Variants in SNRPD3 observed in about 807,000 individuals in gnomAD.
The protein encoded by SNRPD3 is small nuclear ribonucleoprotein D3 polypeptide.
For synonymous variants in SNRPD3, 66 were observed against 58.4 expected (o/e 1.13, Z -0.59); for missense variants, 73 against 167.5 (o/e 0.44, Z 3.11).
At chr22:24,559,260 A>C (rs1427281003) in intron 2 of SNRPD3, among the ~76,000 whole-genome samples, 1 of 152,170 alleles carries the variant, frequency 6.6e-6, no homozygotes, top group Non-Finnish European at 1.5e-5. Context: ...CTGAATGCAG[A>C]GAAGTAGACC....
In SNRPD3 at chr22:24,557,788, C is replaced by T. The variant is rs1216305073; in HGVS notation, c.114C>T (p.Asn38=). 3 of 1,607,954 alleles carry T rather than the reference C, an allele frequency of 1.9e-6. No individual in the cohort carries two copies. The highest frequency in any genetic ancestry group is 1.3e-5 in the African/African-American group (1 of 74,602). The change falls in exon 2 of 4, where the codon AAC becomes AAT. Residue 38 remains asparagine (N), a synonymous_variant. Transcript: ENST00000215829. Reference sequence around the variant, plus strand: ...GGAAGCTCATTGAAGCAGAGGACAACATGAACTGCCAGGTATTCTGCTTTG... The same window carrying T: ...GGAAGCTCATTGAAGCAGAGGACAATATGAACTGCCAGGTATTCTGCTTTG... ...YRGKLIEAED[N]MNCQMSNITV...
At chr22:24,563,300 A>G (rs1176376147) in intron 2 of SNRPD3, among the ~76,000 whole-genome samples, 1 of 119,364 alleles carries the variant, frequency 8.4e-6, no homozygotes, top group African/African-American at 4.1e-5. Context: ...GTGTATATAT[A>G]TATATATTTT....
Position 24,572,473 on chromosome 22 carries a change from A to C in SNRPD3, c.*496A>C. On this transcript the variant is annotated 3_prime_UTR_variant, in exon 4 of 4. Transcript: ENST00000215829. Reference sequence around the variant, plus strand: ...TCTTTCCCTTGATAAAGTCATAGGTAATTCAGGGGCTGGGTGCGGCGGCTC... The same window carrying C: ...TCTTTCCCTTGATAAAGTCATAGGTCATTCAGGGGCTGGGTGCGGCGGCTC... 1 of 268,678 alleles carries C rather than the reference A, an allele frequency of 3.7e-6. No homozygotes were observed. Among genetic ancestry groups the C allele is most frequent in the Non-Finnish European group, 7.1e-6 (1 of 139,988 alleles). 16.6% of individuals were successfully genotyped at this position (268,678 alleles called of 1,614,324 possible).
chr22:24,566,630 AATGAGT>A (rs2045199066), intron 2 of SNRPD3, among the ~76,000 whole-genome samples: 1 of 152,248 alleles, frequency 6.6e-6, no homozygotes, highest in Admixed American at 6.5e-5. Flanking sequence ...GAAAAGAATG[AATGAGT>A]ATAAGATGGC....
intron 2 of SNRPD3, among the ~76,000 whole-genome samples, chr22:24,567,062 A>G (rs187144926): frequency 1.1e-3 from 162 of 152,300 alleles, no homozygotes; most frequent in South Asian, 1.4e-3. Flanking sequence ...CTCTTGCCTC[A>G]TAACCCTCCA....
At chr22:24,557,240 G>A (rs1435735101) in intron 1 of SNRPD3, among the ~76,000 whole-genome samples, 3 of 152,312 alleles carry the variant, frequency 2.0e-5, no homozygotes, top group Admixed American at 1.3e-4. Context: ...GCTCGGGCCT[G>A]TATTATTCTC....
At chr22:24,560,839 C>G (rs2045134240) in intron 2 of SNRPD3, among the ~76,000 whole-genome samples, 1 of 147,742 alleles carries the variant, frequency 6.8e-6, no homozygotes, top group African/African-American at 2.5e-5. Context: ...AAGCAACTCT[C>G]TTGCCTCAGC....
intron 2 of SNRPD3, among the ~76,000 whole-genome samples, chr22:24,561,670 A>G (rs1306792887): frequency 6.6e-6 from 1 of 152,158 alleles, no homozygotes. Context: ...ACATCCTCTT[A>G]GCACTTTTCC....
At chr22:24,559,259 GAGA>G (rs2045109745) in intron 2 of SNRPD3, among the ~76,000 whole-genome samples, 1 of 152,164 alleles carries the variant, frequency 6.6e-6, no homozygotes, top group Non-Finnish European at 1.5e-5. Flanking sequence ...CCTGAATGCA[GAGA>G]AGTAGACCTC....
At chr22:24,563,749 C>G (rs1346483786) in intron 2 of SNRPD3, among the ~76,000 whole-genome samples, 2 of 152,104 alleles carry the variant, frequency 1.3e-5, no homozygotes, top group Admixed American at 1.3e-4. Context: ...AACATGACCA[C>G]CCAATCACTG....
intron 2 of SNRPD3, among the ~76,000 whole-genome samples, chr22:24,558,860 G>A (rs537629325): frequency 6.6e-6 from 1 of 152,288 alleles, no homozygotes; most frequent in South Asian, 2.1e-4. Flanking sequence ...TGGGGAGAGA[G>A]TAGCCTCAAG....
At chr22:24,556,366 GTTTTTTTTTGT>G (rs1181721924) in intron 1 of SNRPD3, among the ~76,000 whole-genome samples, 1 of 56,400 alleles carries the variant, frequency 1.8e-5, no homozygotes, top group Non-Finnish European at 3.5e-5. Context: ...AATCCTATGA[GTTTTTTTTTGT>G]TTTTTTTTTT....
chr22:24,568,580 T>G (rs1182273930), intron 3 of SNRPD3, among the ~76,000 whole-genome samples: 1 of 150,516 alleles, frequency 6.6e-6, no homozygotes, highest in Admixed American at 6.6e-5. Context: ...TTTTTTGAGA[T>G]GGAGTCTCGC....
rs1256654704 is a variant in SNRPD3 at position 24,573,525 on chromosome 22, G to T, written c.*1548G>T. 6.6e-6 allele frequency among the ~76,000 whole-genome samples: 1 copy of T among 152,226 alleles called. No individual in the cohort carries two copies. Among genetic ancestry groups the T allele is most frequent in the Non-Finnish European group, 1.5e-5 (1 of 68,052 alleles). On this transcript the variant is annotated 3_prime_UTR_variant, in exon 4 of 4. Coordinates refer to ENST00000215829, the MANE Select transcript of SNRPD3 (RefSeq NM_004175.5). ...TATGATACTACCTGGAGGTTACAGA[G>T]CTGGTATTCTGAGGAATAAGCATCA...
At chr22:24,564,099 A>G (rs1380953598) in intron 2 of SNRPD3, among the ~76,000 whole-genome samples, 1 of 152,144 alleles carries the variant, frequency 6.6e-6, no homozygotes, top group African/African-American at 2.4e-5. Context: ...GTATTTCCTA[A>G]GAACAAAGAT....
intron 2 of SNRPD3, among the ~76,000 whole-genome samples, chr22:24,564,220 G>T (rs1228290896): frequency 1.3e-5 from 2 of 152,144 alleles, no homozygotes; most frequent in Non-Finnish European, 2.9e-5. Context: ...GTATTGACAG[G>T]CCTGAGACAC....
In SNRPD3 at chr22:24,574,530, C is replaced by T. The variant is rs1039115307; in HGVS notation, c.*2553C>T. Among the ~76,000 whole-genome samples, 7 of 152,062 alleles carry T rather than the reference C, an allele frequency of 4.6e-5. No individual in the cohort carries two copies. The highest frequency in any genetic ancestry group is 2.9e-5 in the Non-Finnish European group (2 of 68,014). On this transcript the variant is annotated 3_prime_UTR_variant, in exon 4 of 4. Transcript: ENST00000215829. ...TCTCAATATGAACATGTTTTCATGA[C>T]TATTCCTTGATGGTTTTTTGTTTGC...
chr22:24,564,838 T>G (rs571955734), intron 2 of SNRPD3, among the ~76,000 whole-genome samples: 1 of 152,140 alleles, frequency 6.6e-6, no homozygotes, highest in African/African-American at 2.4e-5. Flanking sequence ...GTCTCTATTA[T>G]GTATTAGGCA....
chr22:24,560,132 C>CCCAGGCTGCAGTCTTGCTCTGTCAT (rs2045119859), intron 2 of SNRPD3, among the ~76,000 whole-genome samples: 2 of 120,442 alleles, frequency 1.7e-5, no homozygotes, highest in Non-Finnish European at 3.2e-5. Context: ...TGCTCTGTCA[C>CCCAGGCTGCAGTCTTGCTCTGTCAT]CCAGGCTGCA....
Sources: gnomAD v4.1 joint callset for allele counts (sites outside exome capture counted in the v4.1 genomes callset) on GRCh38, gnomAD v4.1.1 for gene constraint, MANE v1.5 for transcripts, NCBI Gene and HGNC (gene_info 2026-07-23, HGNC 2026-07-21) for gene names.